PAK3: variants seen among roughly 807,000 people sequenced by gnomAD.
PAK3 encodes the protein serine/threonine-protein kinase PAK 3.
In PAK3, 4 loss-of-function variants were observed where a neutral mutation model predicts 41.0. The ratio of observed to expected loss-of-function variants is 0.10; its 90% CI spans 0.05 to 0.22. The LOEUF is 0.22. PAK3 is among the 10% of genes least tolerant of loss of function. PAK3 has a pLI of 1.00. For synonymous variants in PAK3, 146 were observed against 139.6 expected, an observed-to-expected ratio of 1.05 and a Z score of -0.32; for missense variants, 205 against 409.9, an observed-to-expected ratio of 0.50 and a Z score of 4.32.
At chrX:111,086,036 G>A (rs182717282) in intron 1 of PAK3, among the ~76,000 whole-genome samples, 93 of 89,828 alleles carry the variant, frequency 1.0e-3, no homozygotes, top group African/African-American at 3.5e-3. Flanking sequence ...AGCTTAAACC[G>A]TAGAGAGAAG....
intron 5 of PAK3, among the ~76,000 whole-genome samples, chrX:111,131,561 A>AT (rs2093718255): frequency 9.0e-6 from 1 of 111,458 alleles, no homozygotes; most frequent in African/African-American, 3.3e-5. Context: ...ATGCAAAAAA[A>AT]AAAATAAATT....
intron 1 of PAK3, among the ~76,000 whole-genome samples, chrX:111,082,156 G>A (rs753497704): frequency 8.9e-6 from 1 of 112,129 alleles, no homozygotes; most frequent in African/African-American, 3.2e-5. Flanking sequence ...CTGAGCAACT[G>A]CTTGTGACTA....
At chrX:111,152,490 C>A (rs377362916) in intron 8 of PAK3, 43 bp downstream of exon 8, 2 of 944,262 alleles carry the variant, frequency 2.1e-6, no homozygotes, top group Admixed American at 2.2e-5. Context: ...TTGGTGTTTC[C>A]AAAGATTTAA....
intron 1 of PAK3, among the ~76,000 whole-genome samples, chrX:111,026,095 A>G (rs1269790818): frequency 2.7e-5 from 3 of 111,938 alleles, no homozygotes; most frequent in African/African-American, 9.7e-5. Context: ...AGCATTTGAC[A>G]AAATCCAGCA....
At chrX:111,155,500 C>CAAA (rs369169590) in intron 8 of PAK3, among the ~76,000 whole-genome samples, 56 of 54,191 alleles carry the variant, frequency 1.0e-3, no homozygotes, top group African/African-American at 3.6e-3. Context: ...AACCCTGTCT[C>CAAA]AAAAAAAAAA....
chrX:110,952,820 T>A (rs1433132296), intron 1 of PAK3, among the ~76,000 whole-genome samples: 1 of 111,963 alleles, frequency 8.9e-6, no homozygotes, highest in Admixed American at 9.5e-5. Context: ...GTAAGCATAG[T>A]TCACAGAGGA....
At position 111,048,166 on chromosome X, in the gene PAK3, C is replaced by T. The variant is rs974299809; in HGVS notation, c.-27-74911C>T. ...TCCTTTTTCTGCAATACTCTTTTCT[C>T]TTGATTTTCCAAACTCAGTACTCTT... is the stretch of plus-strand genomic sequence containing the variant. On this transcript the variant is annotated intron_variant, in intron 1 of 14. Transcript: ENST00000425146. Among the ~76,000 whole-genome samples the T allele has an allele frequency of 9.9e-5, 11 of 111,170 alleles. 1 individual carries two copies. The highest frequency in any genetic ancestry group is 9.2e-3 in the Middle Eastern group (2 of 218).
intron 1 of PAK3, among the ~76,000 whole-genome samples, chrX:110,975,212 A>G (rs972982466): frequency 5.3e-5 from 6 of 112,178 alleles, no homozygotes; most frequent in African/African-American, 1.9e-4. Context: ...AGAAAACTCC[A>G]TCATCTCAGC....
chrX:110,946,198 A>G (rs997245196), intron 1 of PAK3, among the ~76,000 whole-genome samples: 4 of 111,326 alleles, frequency 3.6e-5, no homozygotes, highest in Non-Finnish European at 1.9e-5. Context: ...TCACCAGGTT[A>G]CTAAGTGGAA....
intron 10 of PAK3, 37 bp from the exon 11 acceptor site, chrX:111,172,981 C>G (rs758778012): frequency 9.3e-6 from 7 of 751,174 alleles, no homozygotes; most frequent in Middle Eastern, 2.8e-4. Flanking sequence ...TCTCTTCCAC[C>G]TCCTCCTCTT....
Position 111,196,654 on chromosome X carries a change from G to A in PAK3, c.1407+14G>A, listed in dbSNP as rs757126214. On this transcript the variant is annotated intron_variant, in intron 16 of 17. Coordinates refer to ENST00000372007, the MANE Select transcript of PAK3 (RefSeq NM_002578.5). ...AATCCACTCAGGGTAAGTCAGAAGAGAAGTCAGGTACTTTATTCCCAGGAA... is the reference window on the plus strand; with the variant it reads ...AATCCACTCAGGGTAAGTCAGAAGAAAAGTCAGGTACTTTATTCCCAGGAA... 9.1e-5 allele frequency: 102 copies of A among 1,117,430 alleles called. No individual in the cohort carries two copies. The highest frequency in any genetic ancestry group is 1.2e-4 in the Non-Finnish European group (97 of 811,263). The allele number at this position is 1,117,430 out of a possible 1,213,427, so 92.1% of individuals were successfully genotyped here.
At chrX:111,148,424 G>A (rs969508197) in intron 7 of PAK3, among the ~76,000 whole-genome samples, 24 of 111,971 alleles carry the variant, frequency 2.1e-4, no homozygotes, top group African/African-American at 6.8e-4. Context: ...ATTTGCTAGT[G>A]TGTAGATTTA....
chrX:111,049,149 C>T (rs1390813992), intron 1 of PAK3, among the ~76,000 whole-genome samples: 1 of 111,797 alleles, frequency 8.9e-6, no homozygotes, highest in Non-Finnish European at 1.9e-5. Context: ...TAGATCTTTA[C>T]ATGTGACAGG....
chrX:111,111,243 G>A (rs978716843), intron 4 of PAK3, among the ~76,000 whole-genome samples: 6 of 112,320 alleles, frequency 5.3e-5, no homozygotes, highest in African/African-American at 1.9e-4. Context: ...GATATAGCTA[G>A]AGATACAGTT....
chrX:111,107,567 A>C (rs769942746), intron 4 of PAK3, among the ~76,000 whole-genome samples: 3 of 112,028 alleles, frequency 2.7e-5, no homozygotes, highest in Non-Finnish European at 3.8e-5. Context: ...TGAAAACACA[A>C]GAGCATCTTG....
At chrX:111,207,730 G>A (rs1261805652) in intron 16 of PAK3, among the ~76,000 whole-genome samples, 1 of 112,135 alleles carries the variant, frequency 8.9e-6, no homozygotes, top group African/African-American at 3.2e-5. Flanking sequence ...CAGTGGTATT[G>A]ATGATCCTGA....
rs1268463438 is a variant in PAK3 at position 111,185,244 on chromosome X, G to GT, written c.831-6875dup. Among the ~76,000 whole-genome samples, 8 of 110,939 alleles carry GT rather than the reference G, an allele frequency of 7.2e-5. No individual in the cohort carries two copies. In the East Asian group the frequency reaches 2.3e-3, roughly 32 times the overall value. On this transcript the variant is annotated intron_variant, in intron 11 of 17. Transcript: ENST00000372007. The stretch of plus-strand genomic sequence containing the variant: ...CCTTTGCTCACTTTTTGATGGGATT[G>GT]TTTTTTTTCTTGTAAATTTTGTTTA...
At chrX:111,054,085 G>A in intron 1 of PAK3, among the ~76,000 whole-genome samples, 1 of 111,727 alleles carries the variant, frequency 9.0e-6, no homozygotes, top group Non-Finnish European at 1.9e-5. Flanking sequence ...ATACAACGAA[G>A]CAGGCCCTAC....
chrX:111,158,502 C>T (rs966176567), intron 8 of PAK3, among the ~76,000 whole-genome samples: 1 of 111,643 alleles, frequency 9.0e-6, no homozygotes, highest in Non-Finnish European at 1.9e-5. Flanking sequence ...AACTCAGGGA[C>T]AGAAATTGTT....
Sources: allele counts gnomAD v4.1 joint callset (sites outside exome capture counted in the v4.1 genomes callset), GRCh38; gene constraint gnomAD v4.1.1; transcripts MANE v1.5; gene names NCBI Gene and HGNC (gene_info 2026-07-23, HGNC 2026-07-21).